Variants in CTNNA3 observed in about 807,000 individuals in gnomAD.
CTNNA3 encodes catenin alpha-3.
Under a neutral mutation model 95.7 loss-of-function variants are expected in CTNNA3, and 76 were observed. The observed-to-expected ratio is 0.79, with a 90% confidence interval of 0.66 to 0.96. The LOEUF is 0.96. Ranked by LOEUF, CTNNA3 falls within the 40% of genes least tolerant of loss-of-function variation. The probability of loss-of-function intolerance (pLI) is 0.00; values close to 1 mark genes in which losing one functional copy is unlikely to be tolerated. For synonymous variants in CTNNA3, 431 were observed against 374.4 expected (o/e 1.15, Z -1.74); for missense variants, 1,191 against 1,089.8 (o/e 1.09, Z -1.31).
At chr10:66,347,687 A>G (rs1283493198) in intron 12 of CTNNA3, among the ~76,000 whole-genome samples, 1 of 152,080 alleles carries the variant, frequency 6.6e-6, no homozygotes, top group Non-Finnish European at 1.5e-5. Context: ...AAAAAAGTTA[A>G]CAAATGGATG....
chr10:67,558,746 T>A (rs1447585690), intron 3 of CTNNA3, among the ~76,000 whole-genome samples: 1 of 152,042 alleles, frequency 6.6e-6, no homozygotes, highest in Non-Finnish European at 1.5e-5. Flanking sequence ...AAGAAAGGGG[T>A]GACAGATGGC....
chr10:67,322,723 C>T (rs1476288053), intron 5 of CTNNA3, among the ~76,000 whole-genome samples: 2 of 152,118 alleles, frequency 1.3e-5, no homozygotes, highest in African/African-American at 4.8e-5. Context: ...ATTTATATTC[C>T]TTTCAGTATA....
chr10:67,730,394 A>G (rs1272944719), intron 1 of CTNNA3, among the ~76,000 whole-genome samples: 1 of 152,088 alleles, frequency 6.6e-6, no homozygotes, highest in Non-Finnish European at 1.5e-5. Context: ...CAGTCACACT[A>G]TCAAACACAT....
intron 16 of CTNNA3, among the ~76,000 whole-genome samples, chr10:65,971,479 A>G (rs990157508): frequency 4.0e-5 from 6 of 151,612 alleles, no homozygotes; most frequent in African/African-American, 1.5e-4. Context: ...GTCAGAAGTT[A>G]TAAAAGTGAC....
chr10:66,690,587 G>A (rs1847487518), intron 9 of CTNNA3, among the ~76,000 whole-genome samples: 1 of 149,326 alleles, frequency 6.7e-6, no homozygotes, highest in Non-Finnish European at 1.5e-5. Context: ...TTGGTTTTTT[G>A]TTCTTGCGAT....
chr10:66,238,007 T>C (rs2089939157), intron 13 of CTNNA3, among the ~76,000 whole-genome samples: 1 of 152,058 alleles, frequency 6.6e-6, no homozygotes, highest in African/African-American at 2.4e-5. Flanking sequence ...GAAACTATGC[T>C]TATTTCAACA....
intron 5 of CTNNA3, among the ~76,000 whole-genome samples, chr10:67,239,635 A>T (rs1471030764): frequency 1.3e-5 from 2 of 152,136 alleles, no homozygotes; most frequent in African/African-American, 4.8e-5. Flanking sequence ...TTCTGAATGT[A>T]TGTTATACTT....
intron 7 of CTNNA3, among the ~76,000 whole-genome samples, chr10:67,058,513 C>G (rs964167791): frequency 6.6e-6 from 1 of 152,112 alleles, no homozygotes; most frequent in Admixed American, 6.5e-5. Context: ...ATCTTTGGCC[C>G]TTTCTCCACT....
At chr10:66,425,691 C>T in intron 11 of CTNNA3, among the ~76,000 whole-genome samples, 1 of 151,092 alleles carries the variant, frequency 6.6e-6, no homozygotes, top group East Asian at 1.9e-4. Context: ...TATATATACA[C>T]ACACACACAT....
chr10:67,639,036 TA>T (rs1004675695), intron 2 of CTNNA3, among the ~76,000 whole-genome samples: 4 of 151,816 alleles, frequency 2.6e-5, no homozygotes, highest in Admixed American at 6.6e-5. Flanking sequence ...AATAGACACA[TA>T]AAAAACCCTT....
chr10:66,278,412 C>T (rs1380926033), intron 13 of CTNNA3, among the ~76,000 whole-genome samples: 1 of 151,606 alleles, frequency 6.6e-6, no homozygotes, highest in Non-Finnish European at 1.5e-5. Flanking sequence ...ACACAAAATA[C>T]TAAATTTTTC....
At chr10:66,692,506 G>A (rs554344985) in intron 9 of CTNNA3, among the ~76,000 whole-genome samples, 109 of 152,184 alleles carry the variant, frequency 7.2e-4, no homozygotes, top group African/African-American at 2.0e-3. Context: ...TGAAAGTGAC[G>A]GGGAGAATGG....
chr10:66,445,715 A>G (rs2093415149), intron 11 of CTNNA3, among the ~76,000 whole-genome samples: 1 of 152,080 alleles, frequency 6.6e-6, no homozygotes, highest in Non-Finnish European at 1.5e-5. Flanking sequence ...CCCACAAAAG[A>G]AAGCAGGAAA....
intron 5 of CTNNA3, among the ~76,000 whole-genome samples, chr10:67,221,828 C>T (rs1479950622): frequency 6.6e-6 from 1 of 152,128 alleles, no homozygotes; most frequent in African/African-American, 2.4e-5. Context: ...CCCGCCTCGG[C>T]CTCCCAAAGT....
intron 7 of CTNNA3, among the ~76,000 whole-genome samples, chr10:66,872,249 T>C (rs1158535835): frequency 1.3e-5 from 2 of 152,196 alleles, no homozygotes. Context: ...GTTAACCACA[T>C]TTTATGTATG....
At chr10:67,476,599 G>A (rs538611894) in intron 5 of CTNNA3, among the ~76,000 whole-genome samples, 19 of 151,812 alleles carry the variant, frequency 1.3e-4, no homozygotes, top group Non-Finnish European at 2.6e-4. Flanking sequence ...AGCAGCCTGA[G>A]CTGCCCCACC....
At chr10:66,692,480 A>G (rs551716961) in intron 9 of CTNNA3, among the ~76,000 whole-genome samples, 26,724 of 151,724 alleles carry the variant, frequency 0.18, 2,933 homozygotes, top group East Asian at 0.33. Flanking sequence ...CCAAATCTAC[A>G]TCTGATTGGT....
In CTNNA3 at chr10:65,912,947, A is replaced by T. The variant is rs2076963135; in HGVS notation, c.*7383T>A. 6.6e-6 allele frequency: 1 copy of T among 152,158 alleles called. No individual in the cohort carries two copies. 9.4% of individuals were successfully genotyped at this position (152,158 alleles called of 1,614,324 possible). On this transcript the variant is annotated 3_prime_UTR_variant, in exon 18 of 18. Transcript: ENST00000433211. Reference sequence around the variant, plus strand: ...TGAACTGGTCATTAATATAATGGGCAGTTCATTCAATCATATTCTGTCTCT... The same window carrying T: ...TGAACTGGTCATTAATATAATGGGCTGTTCATTCAATCATATTCTGTCTCT...
intron 2 of CTNNA3, among the ~76,000 whole-genome samples, chr10:67,635,398 A>G (rs1839276180): frequency 6.6e-6 from 1 of 152,218 alleles, no homozygotes; most frequent in Non-Finnish European, 1.5e-5. Context: ...ATCTTTGATG[A>G]ACATCGATAC....
Sources: gnomAD v4.1 joint callset for allele counts (sites outside exome capture counted in the v4.1 genomes callset) on GRCh38, gnomAD v4.1.1 for gene constraint, MANE v1.5 for transcripts, NCBI Gene and HGNC (gene_info 2026-07-23, HGNC 2026-07-21) for gene names.